Variants in OMA1 observed in about 807,000 individuals in gnomAD.
OMA1 encodes the protein metalloendopeptidase OMA1, mitochondrial.
Under a neutral mutation model 30.9 loss-of-function variants are expected in OMA1, and 38 were observed. The ratio of observed to expected loss-of-function variants is 1.23; its 90% CI spans 0.95 to 1.61. The LOEUF (loss-of-function observed/expected upper bound fraction) is 1.61. Among genes scored for constraint, OMA1 ranks in the 40% most tolerant of loss-of-function variants. The probability of loss-of-function intolerance (pLI) is 0.00; values close to 1 mark genes in which losing one functional copy is unlikely to be tolerated. For synonymous variants in OMA1, 173 were observed against 121.9 expected (o/e 1.42, Z -2.76); for missense variants, 461 against 349.2 (o/e 1.32, Z -2.55).
At chr1:58,545,794 G>A (rs557327681) in intron 1 of OMA1, among the ~76,000 whole-genome samples, 1 of 152,292 alleles carries the variant, frequency 6.6e-6, no homozygotes, top group African/African-American at 2.4e-5. Flanking sequence ...ACAGCTGTCA[G>A]ATTGGCAAAA....
chr1:58,539,515 G>A (rs12139475), intron 1 of OMA1, among the ~76,000 whole-genome samples: 28,479 of 151,984 alleles, frequency 0.19, 2,786 homozygotes, highest in African/African-American at 0.23. Flanking sequence ...ACTATGCAAC[G>A]TTTACTTTAG....
Position 58,527,284 on chromosome 1 carries a change from T to C in OMA1, c.1192A>G (p.Ile398Val). 1 of 872,380 alleles carries C rather than the reference T, an allele frequency of 1.1e-6. No homozygotes were observed. Among genetic ancestry groups the C allele is most frequent in the Non-Finnish European group, 2.0e-6 (1 of 501,282 alleles). 54.0% of individuals were successfully genotyped at this position (872,380 alleles called of 1,614,324 possible). A position where few individuals can be genotyped will look rare whatever the true frequency, so the allele number is the denominator to read the frequency against. ...SRKLEAEADKIGLLLAAKACA... is the reference protein window; with the variant it reads ...SRKLEAEADKVGLLLAAKACA... ...ACCTTTGCAGCAAGCAGTAGTCCAA[T>C]TTTGTCAGCTTCGGCCTCCAATTTT... The change falls in exon 7 of 9, where the codon ATT becomes GTT. Residue 398 changes from isoleucine to valine, a missense_variant. Physicochemically the swap from Ile to Val is conservative, Grantham distance 29 (BLOSUM62 3). Transcript: ENST00000371226.
chr1:58,496,123 G>A (rs1645797108), intron 8 of OMA1, among the ~76,000 whole-genome samples: 1 of 151,778 alleles, frequency 6.6e-6, no homozygotes, highest in Admixed American at 6.6e-5. Context: ...GTTATATGCA[G>A]CTTGGATTTC....
At chr1:58,513,110 G>T (rs1022739746) in intron 7 of OMA1, among the ~76,000 whole-genome samples, 1 of 152,142 alleles carries the variant, frequency 6.6e-6, no homozygotes, top group African/African-American at 2.4e-5. Context: ...CATGTGTCGA[G>T]GGAGGGACTT....
chr1:58,514,736 G>C (rs1557448666), intron 7 of OMA1, among the ~76,000 whole-genome samples: 1 of 151,974 alleles, frequency 6.6e-6, no homozygotes. Flanking sequence ...AGATGTAAAG[G>C]GACCAAAACA....
chr1:58,543,408 C>T (rs113603972), intron 1 of OMA1, among the ~76,000 whole-genome samples: 1 of 152,086 alleles, frequency 6.6e-6, no homozygotes, highest in African/African-American at 2.4e-5. Flanking sequence ...CTTTAGCATC[C>T]AAAATATCTC....
chr1:58,488,104 A>C (rs1390281612), intron 8 of OMA1, among the ~76,000 whole-genome samples: 1 of 152,078 alleles, frequency 6.6e-6, no homozygotes, highest in Non-Finnish European at 1.5e-5. Flanking sequence ...TAAACTGATA[A>C]AGTTTTCTTT....
chr1:58,497,086 T>C (rs530674949), intron 8 of OMA1, among the ~76,000 whole-genome samples: 2 of 152,250 alleles, frequency 1.3e-5, no homozygotes, highest in African/African-American at 4.8e-5. Context: ...CTATAAAATA[T>C]CCTTCCCAAA....
intron 8 of OMA1, among the ~76,000 whole-genome samples, chr1:58,489,117 C>A (rs1399630252): frequency 6.6e-6 from 1 of 152,148 alleles, no homozygotes; most frequent in Non-Finnish European, 1.5e-5. Flanking sequence ...GTGCAGCGCA[C>A]CGAGCGTGAG....
chr1:58,501,282 T>C (rs967564755), intron 8 of OMA1, among the ~76,000 whole-genome samples: 3 of 152,214 alleles, frequency 2.0e-5, no homozygotes, highest in Admixed American at 6.5e-5. Context: ...ATGGGTTATC[T>C]TGACTTAAAG....
At chr1:58,539,740 C>G (rs1646574804) in intron 1 of OMA1, among the ~76,000 whole-genome samples, 2 of 152,166 alleles carry the variant, frequency 1.3e-5, no homozygotes, top group Non-Finnish European at 2.9e-5. Context: ...ACAGTGATCC[C>G]TAACAGATGG....
intron 7 of OMA1, among the ~76,000 whole-genome samples, chr1:58,520,870 C>T (rs1251740041): frequency 6.6e-6 from 1 of 151,852 alleles, no homozygotes; most frequent in East Asian, 1.9e-4. Flanking sequence ...GAAATATTAC[C>T]AAACCTCTCT....
intron 8 of OMA1, among the ~76,000 whole-genome samples, chr1:58,497,374 A>G (rs1025677908): frequency 3.7e-4 from 57 of 152,296 alleles, no homozygotes; most frequent in Non-Finnish European, 1.3e-4. Flanking sequence ...TGTAGACAGA[A>G]TATTTAATTT....
chr1:58,535,443 A>C (rs6587828), intron 3 of OMA1, among the ~76,000 whole-genome samples: 96,559 of 151,750 alleles, frequency 0.64, 32,412 homozygotes, highest in East Asian at 0.82. Context: ...TAAAAATACA[A>C]AAATTGGCCA....
intron 8 of OMA1, among the ~76,000 whole-genome samples, chr1:58,481,856 T>C (rs1645489621): frequency 6.6e-6 from 1 of 152,228 alleles, no homozygotes. Context: ...TTTCTCCTCA[T>C]TCGCCTTCCA....
In OMA1 at chr1:58,480,747, G is replaced by T; in HGVS notation, c.*218C>A. On this transcript the variant is annotated 3_prime_UTR_variant, in exon 9 of 9. Transcript: ENST00000371226. ...AATGTGTAATATAAATTTATTCTGT[G>T]ACATTTTCCTCATTGAAGATATTTT... 1 of 382,072 alleles carries T rather than the reference G, an allele frequency of 2.6e-6. No homozygotes were observed. The highest frequency in any genetic ancestry group is 4.6e-6 in the Non-Finnish European group (1 of 217,658). The allele number at this position is 382,072 out of a possible 1,614,324, so 23.7% of individuals were successfully genotyped here. A position where few individuals can be genotyped will look rare whatever the true frequency, so the allele number is the denominator to read the frequency against.
chr1:58,483,100 A>G lies in OMA1; in HGVS notation c.1366-1926T>C, dbSNP rs117621793. On this transcript the variant is annotated intron_variant, in intron 8 of 8. Coordinates refer to ENST00000371226, the MANE Select transcript of OMA1 (RefSeq NM_145243.5). ...TCCAGGTACAAAACTAGAATTCTTG[A>G]ATTTCAGAACATGTAAGATTGCAGG... Among the ~76,000 whole-genome samples, 14 of 152,306 alleles carry G rather than the reference A, an allele frequency of 9.2e-5. No individual in the cohort carries two copies. In the East Asian group the frequency reaches 1.7e-3, roughly 19 times the overall value.
At chr1:58,501,491 C>T (rs567958064) in intron 8 of OMA1, among the ~76,000 whole-genome samples, 3 of 152,272 alleles carry the variant, frequency 2.0e-5, no homozygotes, top group East Asian at 1.9e-4. Flanking sequence ...CTTACAGGGG[C>T]GATAAGGCCC....
intron 1 of OMA1, among the ~76,000 whole-genome samples, chr1:58,540,862 T>G (rs928964477): frequency 6.7e-6 from 1 of 148,836 alleles, no homozygotes. Flanking sequence ...CCAAACTTGA[T>G]GAAAATTATA....
Sources: gnomAD v4.1 joint callset for allele counts (sites outside exome capture counted in the v4.1 genomes callset) on GRCh38, gnomAD v4.1.1 for gene constraint, MANE v1.5 for transcripts, NCBI Gene and HGNC (gene_info 2026-07-23, HGNC 2026-07-21) for gene names.